RIT2: variants seen among roughly 807,000 people sequenced by gnomAD.
RIT2 encodes Ras like without CAAX 2.
Under a neutral mutation model 23.7 loss-of-function variants are expected in RIT2, and 24 were observed. The observed-to-expected ratio is 1.01, with a 90% CI of 0.73 to 1.43. The LOEUF (loss-of-function observed/expected upper bound fraction) is 1.43, where lower values mean the gene tolerates loss of function less well. Ranked by LOEUF, RIT2 falls within the 40% of genes most tolerant of loss-of-function variation. RIT2 has a pLI of 0.00. For synonymous variants in RIT2, 107 were observed against 91.1 expected, an observed-to-expected ratio of 1.17 and a Z score of -0.99; for missense variants, 236 against 266.9, an observed-to-expected ratio of 0.88 and a Z score of 0.81.
chr18:43,102,933 C>T (rs1427093495), intron 1 of RIT2, among the ~76,000 whole-genome samples: 2 of 152,136 alleles, frequency 1.3e-5, no homozygotes, highest in African/African-American at 4.8e-5. Context: ...GGATTATGGA[C>T]GTGAGCCACT....
In RIT2 at chr18:43,007,280, T is replaced by A. The variant is rs1298306346; in HGVS notation, c.160+26531A>T. Among the ~76,000 whole-genome samples, 3 of 151,736 alleles carry A rather than the reference T, an allele frequency of 2.0e-5. No individual in the cohort carries two copies. The East Asian group carries it at 5.8e-4, about 29-fold the overall frequency. ...TATGAGGGAGAGGATGTCATGGCTATATGCTCTGACAAGATACACTACAAC... is the reference window on the plus strand; with the variant it reads ...TATGAGGGAGAGGATGTCATGGCTAAATGCTCTGACAAGATACACTACAAC... On this transcript the variant is annotated intron_variant, in intron 2 of 4. Coordinates refer to ENST00000326695, the MANE Select transcript of RIT2 (RefSeq NM_002930.4).
At chr18:42,912,993 G>A (rs1908810458) in intron 4 of RIT2, among the ~76,000 whole-genome samples, 1 of 151,906 alleles carries the variant, frequency 6.6e-6, no homozygotes, top group African/African-American at 2.4e-5. Flanking sequence ...AATTATTGAT[G>A]TTAAGACTTA....
chr18:42,877,431 A>G (rs1434519152), intron 4 of RIT2, among the ~76,000 whole-genome samples: 3 of 151,022 alleles, frequency 2.0e-5, no homozygotes, highest in African/African-American at 7.3e-5. Context: ...TTAAGTTCCT[A>G]CTTTGTGCTG....
intron 4 of RIT2, among the ~76,000 whole-genome samples, chr18:42,812,932 T>A (rs1905892553): frequency 1.3e-5 from 2 of 152,214 alleles, no homozygotes; most frequent in African/African-American, 4.8e-5. Context: ...AAAATTAAAC[T>A]ATTAAGTTTC....
intron 4 of RIT2, among the ~76,000 whole-genome samples, chr18:42,756,167 G>T (rs1913159008): frequency 6.6e-6 from 1 of 152,138 alleles, no homozygotes; most frequent in African/African-American, 2.4e-5. Context: ...ATTCAGATCT[G>T]TATGAAATTT....
At chr18:42,894,897 T>A (rs964238625) in intron 4 of RIT2, among the ~76,000 whole-genome samples, 2 of 152,218 alleles carry the variant, frequency 1.3e-5, no homozygotes, top group Admixed American at 1.3e-4. Context: ...AGTAGAGGGA[T>A]TAAATGCCTT....
chr18:42,909,991 C>T (rs1354723424), intron 4 of RIT2, among the ~76,000 whole-genome samples: 1 of 152,036 alleles, frequency 6.6e-6, no homozygotes, highest in Non-Finnish European at 1.5e-5. Context: ...TACCTGAAAG[C>T]GGTTAAGGGG....
At chr18:42,860,441 GA>G in intron 4 of RIT2, among the ~76,000 whole-genome samples, 1 of 152,232 alleles carries the variant, frequency 6.6e-6, no homozygotes, top group East Asian at 1.9e-4. Context: ...TCAGAGTTTT[GA>G]AAAAGTTGAT....
At chr18:43,097,110 A>G (rs1195136603) in intron 1 of RIT2, among the ~76,000 whole-genome samples, 1 of 151,954 alleles carries the variant, frequency 6.6e-6, no homozygotes, top group Non-Finnish European at 1.5e-5. Context: ...AGCATCATGT[A>G]GACTAGGGAT....
intron 4 of RIT2, among the ~76,000 whole-genome samples, chr18:42,776,287 T>C (rs1213484562): frequency 6.6e-6 from 1 of 152,198 alleles, no homozygotes; most frequent in East Asian, 1.9e-4. Flanking sequence ...TTATTTATTC[T>C]TTCAGCAATT....
chr18:43,044,072 G>A (rs1912191174), intron 1 of RIT2, among the ~76,000 whole-genome samples: 1 of 151,994 alleles, frequency 6.6e-6, no homozygotes, highest in Non-Finnish European at 1.5e-5. Flanking sequence ...CCACCAACCT[G>A]GAATGGCCCC....
intron 1 of RIT2, among the ~76,000 whole-genome samples, chr18:43,095,746 C>T (rs1313365008): frequency 6.6e-6 from 1 of 151,908 alleles, no homozygotes; most frequent in Non-Finnish European, 1.5e-5. Flanking sequence ...GCAACAAATG[C>T]AGATTCTAAG....
intron 4 of RIT2, among the ~76,000 whole-genome samples, chr18:42,895,681 G>C (rs549499300): frequency 1.3e-5 from 2 of 152,100 alleles, no homozygotes; most frequent in African/African-American, 4.8e-5. Flanking sequence ...TTATTGTCCA[G>C]GATTTTCACT....
chr18:42,833,275 A>AT (rs1201665972), intron 4 of RIT2, among the ~76,000 whole-genome samples: 1 of 152,154 alleles, frequency 6.6e-6, no homozygotes, highest in Non-Finnish European at 1.5e-5. Context: ...TTCACTTAGC[A>AT]TAATAACCTC....
Position 42,890,764 on chromosome 18 carries a change from TA to T in RIT2, c.426+32807del, listed in dbSNP as rs146779923. On this transcript the variant is annotated intron_variant, in intron 4 of 4. Transcript: ENST00000326695. Reference sequence around the variant, plus strand: ...ATTCTTTCAGCTATGTTGCCAAGTCTAAAAAAAAATTATAAACACTGAAATA... The same window carrying T: ...ATTCTTTCAGCTATGTTGCCAAGTCTAAAAAAAATTATAAACACTGAAATA... 1.0e-3 allele frequency among the ~76,000 whole-genome samples: 151 copies of T among 151,296 alleles called. 2 individuals carry two copies. Among genetic ancestry groups the T allele is most frequent in the Admixed American group, 6.0e-3 (91 of 15,176 alleles).
intron 3 of RIT2, among the ~76,000 whole-genome samples, chr18:42,933,743 G>A (rs1470985890): frequency 6.6e-6 from 1 of 152,058 alleles, no homozygotes; most frequent in African/African-American, 2.4e-5. Context: ...TTCCTGGCCG[G>A]GTGTGGTGGC....
At chr18:42,787,999 A>C (rs1913960156) in intron 4 of RIT2, among the ~76,000 whole-genome samples, 1 of 152,058 alleles carries the variant, frequency 6.6e-6, no homozygotes, top group South Asian at 2.1e-4. Flanking sequence ...TAAAAGTTTA[A>C]AATTTAAATT....
At chr18:42,895,524 A>G (rs1422599626) in intron 4 of RIT2, among the ~76,000 whole-genome samples, 1 of 152,230 alleles carries the variant, frequency 6.6e-6, no homozygotes, top group African/African-American at 2.4e-5. Context: ...GCAGTAAGAC[A>G]TGTGAGCACA....
chr18:43,019,285 C>T (rs1308856658), intron 2 of RIT2, among the ~76,000 whole-genome samples: 1 of 151,624 alleles, frequency 6.6e-6, no homozygotes, highest in Non-Finnish European at 1.5e-5. Context: ...CAAAAATTCT[C>T]AAAAAAATAC....
Sources: allele counts gnomAD v4.1 joint callset (sites outside exome capture counted in the v4.1 genomes callset), GRCh38; gene constraint gnomAD v4.1.1; transcripts MANE v1.5; gene names NCBI Gene and HGNC (gene_info 2026-07-23, HGNC 2026-07-21).